TBC1D4: variants seen among roughly 807,000 people sequenced by gnomAD.
The protein encoded by TBC1D4 is TBC1 domain family member 4, also known as TBC (Tre-2, BUB2, CDC16) domain-containing protein.
Under a neutral mutation model 142.5 loss-of-function variants are expected in TBC1D4, and 121 were observed. The observed-to-expected ratio is 0.85, with a 90% CI of 0.73 to 0.99. TBC1D4 has a LOEUF of 0.99. TBC1D4 is among the 50% of genes least tolerant of loss of function. The probability of loss-of-function intolerance (pLI) is 0.00; values close to 1 mark genes in which losing one functional copy is unlikely to be tolerated. For missense variants in TBC1D4, 1,475 were observed against 1,606.6 expected (o/e 0.92, Z 1.40); for synonymous variants, 630 against 628.2 (o/e 1.00, Z -0.04).
At chr13:75,373,392 G>A (rs1883321313) in intron 1 of TBC1D4, among the ~76,000 whole-genome samples, 1 of 152,074 alleles carries the variant, frequency 6.6e-6, no homozygotes, top group South Asian at 2.1e-4. Context: ...CTTCAAAGAA[G>A]AAAAATCCTA....
chr13:75,366,962 T>C (rs1246525341), intron 1 of TBC1D4: 1 of 985,404 alleles, frequency 1.0e-6, no homozygotes, highest in Non-Finnish European at 1.2e-6. Flanking sequence ...CGAAGAGCAA[T>C]GATTTTGCCA....
At chr13:75,292,700 T>C (rs187014479) in intron 18 of TBC1D4, among the ~76,000 whole-genome samples, 106 of 150,562 alleles carry the variant, frequency 7.0e-4, no homozygotes, top group African/African-American at 2.5e-3. Context: ...GCTATGTAAT[T>C]AAATCTATAC....
intron 1 of TBC1D4, among the ~76,000 whole-genome samples, chr13:75,377,729 T>A (rs1008243364): frequency 6.7e-6 from 1 of 149,718 alleles, no homozygotes; most frequent in African/African-American, 2.4e-5. Flanking sequence ...TTCTGATTGG[T>A]CTTTATCAGT....
intron 1 of TBC1D4, among the ~76,000 whole-genome samples, chr13:75,379,470 C>A (rs914627202): frequency 6.6e-6 from 1 of 152,074 alleles, no homozygotes; most frequent in Non-Finnish European, 1.5e-5. Context: ...CCACTAAATA[C>A]CCCATGTCTG....
intron 1 of TBC1D4, among the ~76,000 whole-genome samples, chr13:75,420,042 G>A (rs138565539): frequency 6.6e-6 from 1 of 152,302 alleles, no homozygotes; most frequent in African/African-American, 2.4e-5. Context: ...AAACACAAAG[G>A]AAGAGGAGAG....
At chr13:75,304,072 C>A (rs1469316596) in intron 15 of TBC1D4, among the ~76,000 whole-genome samples, 2 of 152,134 alleles carry the variant, frequency 1.3e-5, no homozygotes, top group Non-Finnish European at 2.9e-5. Context: ...CTTTTCCCGG[C>A]TTAAATGGTC....
At chr13:75,312,628 G>A in intron 13 of TBC1D4, 110 bp downstream of exon 13, 1 of 1,426,948 alleles carries the variant, frequency 7.0e-7, no homozygotes, top group South Asian at 1.2e-5. Flanking sequence ...CATACAGAAA[G>A]ATATTTCTAC....
At chr13:75,295,574 G>A (rs1431592812) in intron 17 of TBC1D4, among the ~76,000 whole-genome samples, 1 of 152,158 alleles carries the variant, frequency 6.6e-6, no homozygotes, top group Non-Finnish European at 1.5e-5. Context: ...TATTCCAGCA[G>A]CATATTTTTC....
chr13:75,428,472 T>A (rs1027122112), intron 1 of TBC1D4, among the ~76,000 whole-genome samples: 1 of 152,192 alleles, frequency 6.6e-6, no homozygotes, highest in African/African-American at 2.4e-5. Context: ...CGTTTGCTGG[T>A]GTGAATCTAT....
chr13:75,346,259 C>G (rs890680716), intron 5 of TBC1D4, among the ~76,000 whole-genome samples: 1 of 152,164 alleles, frequency 6.6e-6, no homozygotes, highest in African/African-American at 2.4e-5. Context: ...AACCTGTCAT[C>G]TACATTAGGT....
chr13:75,466,670 A>C (rs1016853870), intron 1 of TBC1D4, among the ~76,000 whole-genome samples: 2 of 152,164 alleles, frequency 1.3e-5, no homozygotes, highest in South Asian at 2.1e-4. Flanking sequence ...CAGCAGTTCG[A>C]GACCAGCCTG....
At chr13:75,389,439 T>C (rs1473711908) in intron 1 of TBC1D4, among the ~76,000 whole-genome samples, 1 of 152,256 alleles carries the variant, frequency 6.6e-6, no homozygotes, top group Admixed American at 6.5e-5. Flanking sequence ...ATTCTGAGGC[T>C]ACTATTAGTT....
chr13:75,463,336 A>T (rs35806258), intron 1 of TBC1D4, among the ~76,000 whole-genome samples: 15,864 of 152,210 alleles, frequency 0.1, 928 homozygotes, highest in Middle Eastern at 0.15. Context: ...AGTCATAATT[A>T]AAAAAACCTG....
intron 1 of TBC1D4, among the ~76,000 whole-genome samples, chr13:75,440,023 CTG>C (rs1373310848): frequency 8.5e-5 from 13 of 152,082 alleles, no homozygotes; most frequent in African/African-American, 3.1e-4. Context: ...TTGCAGGACT[CTG>C]AGGATAGAAC....
intron 1 of TBC1D4, among the ~76,000 whole-genome samples, chr13:75,381,417 A>G (rs1883840736): frequency 6.6e-6 from 1 of 152,184 alleles, no homozygotes; most frequent in Admixed American, 6.6e-5. Context: ...TGTAAGGGGT[A>G]ATATATTTGC....
intron 1 of TBC1D4, among the ~76,000 whole-genome samples, chr13:75,472,549 A>C (rs1330833821): frequency 1.3e-5 from 2 of 152,228 alleles, no homozygotes; most frequent in Non-Finnish European, 1.5e-5. Flanking sequence ...AAATCTGTAC[A>C]AAATAAAATC....
At chr13:75,309,837 A>T in intron 14 of TBC1D4, 105 bp downstream of exon 14, 1 of 1,101,032 alleles carries the variant, frequency 9.1e-7, no homozygotes, top group Non-Finnish European at 1.4e-6. Context: ...GTGTGCATAC[A>T]GTCCAAAACT....
intron 9 of TBC1D4, among the ~76,000 whole-genome samples, chr13:75,326,664 CT>C (rs1879293163): frequency 1.3e-5 from 2 of 152,196 alleles, no homozygotes; most frequent in African/African-American, 4.8e-5. Flanking sequence ...GGATAAGCAG[CT>C]GTAAGACAGC....
intron 17 of TBC1D4, among the ~76,000 whole-genome samples, chr13:75,297,263 T>G (rs981598015): frequency 6.6e-6 from 1 of 152,226 alleles, no homozygotes; most frequent in Non-Finnish European, 1.5e-5. Context: ...GTCAAATTGA[T>G]GAATAATTTT....
Sources: gnomAD v4.1 joint callset for allele counts (sites outside exome capture counted in the v4.1 genomes callset) on GRCh38, gnomAD v4.1.1 for gene constraint, MANE v1.5 for transcripts, NCBI Gene and HGNC (gene_info 2026-07-23, HGNC 2026-07-21) for gene names.